Variants in CPQ observed in about 807,000 individuals in gnomAD.
The protein encoded by CPQ is Ser-Met dipeptidase.
A neutral mutation model predicts 45.7 loss-of-function variants in CPQ; 37 were observed. That is an observed-to-expected ratio of 0.81 (90% CI 0.62 to 1.07). The LOEUF (loss-of-function observed/expected upper bound fraction) is 1.07. CPQ is among the 50% of genes least tolerant of loss of function. The pLI is 0.00. For synonymous variants in CPQ, 186 were observed against 205.8 expected, an observed-to-expected ratio of 0.90 and a Z score of 0.82; for missense variants, 537 against 572.9, an observed-to-expected ratio of 0.94 and a Z score of 0.64.
rs1812198547 is a variant in CPQ, at chr8:96,879,924, A to G, written c.768A>G (p.Leu256=). 6.2e-7 allele frequency: 1 copy of G among 1,613,966 alleles called. No homozygotes were observed. The highest frequency in any genetic ancestry group is 8.5e-7 in the Non-Finnish European group (1 of 1,179,976). The change falls in exon 4 of 8, where the codon CTA becomes CTG. Residue 256 remains leucine (L), a synonymous_variant. Transcript: ENST00000220763. ...ATGGGATCAAAATTGTCATTCAGCT[A>G]AAGATGGGGGCAAAGACCTACCCAG... The part of the protein sequence containing the change: ...ASHGIKIVIQ[L]KMGAKTYPDT...
chr8:96,939,804 A>G (rs1255193685), intron 4 of CPQ, among the ~76,000 whole-genome samples: 2 of 152,188 alleles, frequency 1.3e-5, no homozygotes, highest in South Asian at 2.1e-4. Context: ...TGGCACATAC[A>G]TACAAGAGTT....
intron 5 of CPQ, 120 bp downstream of exon 5, chr8:96,966,166 G>A: frequency 1.5e-6 from 1 of 647,414 alleles, no homozygotes; most frequent in Non-Finnish European, 2.5e-6. Flanking sequence ...CTTGAGGTCA[G>A]TTGATTCCCA....
intron 2 of CPQ, among the ~76,000 whole-genome samples, chr8:96,794,997 T>C (rs1357265141): frequency 6.6e-6 from 1 of 152,182 alleles, no homozygotes; most frequent in Non-Finnish European, 1.5e-5. Flanking sequence ...TTCCCACATT[T>C]TCCTGTCTTC....
At chr8:96,832,866 A>G (rs1811478037) in intron 2 of CPQ, among the ~76,000 whole-genome samples, 2 of 152,120 alleles carry the variant, frequency 1.3e-5, no homozygotes, top group South Asian at 4.1e-4. Flanking sequence ...CCTGGGGCAG[A>G]TCTGACTCTT....
intron 1 of CPQ, among the ~76,000 whole-genome samples, chr8:96,710,609 ATCATTCAGGAGC>A (rs1809594273): frequency 6.6e-6 from 1 of 152,174 alleles, no homozygotes; most frequent in Non-Finnish European, 1.5e-5. Flanking sequence ...TACCGCAAAA[ATCATTCAGGAGC>A]TGATTGCTTA....
At chr8:96,875,490 T>A (rs1812133827) in intron 3 of CPQ, among the ~76,000 whole-genome samples, 1 of 151,966 alleles carries the variant, frequency 6.6e-6, no homozygotes, top group South Asian at 2.1e-4. Context: ...GATTTAAGAA[T>A]GTAACTTTAT....
Position 96,673,648 on chromosome 8 carries a change from G to A in CPQ, c.-35+28246G>A, listed in dbSNP as rs911253607. Among the ~76,000 whole-genome samples the A allele has an allele frequency of 3.3e-5, 5 of 152,104 alleles. No individual in the cohort carries two copies. In the East Asian group the frequency reaches 7.7e-4, roughly 23 times the overall value. ...TTGGCCTTAGGGTCCCTGCCTCCTGGCGCTATTCTCCTGCCTCAGTAGAGA... is the reference window on the plus strand; with the variant it reads ...TTGGCCTTAGGGTCCCTGCCTCCTGACGCTATTCTCCTGCCTCAGTAGAGA... On this transcript the variant is annotated intron_variant, in intron 1 of 7. Transcript: ENST00000220763.
intron 1 of CPQ, among the ~76,000 whole-genome samples, chr8:96,769,795 C>T (rs968967230): frequency 2.0e-5 from 3 of 151,900 alleles, no homozygotes; most frequent in Non-Finnish European, 2.9e-5. Flanking sequence ...CCATGCCTGC[C>T]TAATTTTTGC....
At chr8:96,949,878 T>C (rs902255245) in intron 4 of CPQ, among the ~76,000 whole-genome samples, 4 of 152,134 alleles carry the variant, frequency 2.6e-5, no homozygotes, top group Non-Finnish European at 5.9e-5. Flanking sequence ...GTGATTCTAA[T>C]GCGTTTCTAG....
At chr8:97,068,864 A>G (rs1810687427) in intron 7 of CPQ, among the ~76,000 whole-genome samples, 1 of 152,194 alleles carries the variant, frequency 6.6e-6, no homozygotes, top group African/African-American at 2.4e-5. Flanking sequence ...CCCTGAGAAC[A>G]GGCCATTTTG....
intron 7 of CPQ, among the ~76,000 whole-genome samples, chr8:97,091,854 A>AGATG (rs35037040): frequency 0.34 from 51,347 of 150,588 alleles, 10,561 homozygotes; most frequent in East Asian, 0.48. Flanking sequence ...ATGGATGGAT[A>AGATG]GATGGATGGA....
intron 2 of CPQ, among the ~76,000 whole-genome samples, chr8:96,833,847 T>A (rs1200740895): frequency 6.6e-6 from 1 of 152,206 alleles, no homozygotes; most frequent in Non-Finnish European, 1.5e-5. Flanking sequence ...AGGCCTATAT[T>A]GAAAGCAAAA....
chr8:97,106,367 A>G (rs1442043547), intron 7 of CPQ, among the ~76,000 whole-genome samples: 1 of 152,192 alleles, frequency 6.6e-6, no homozygotes, highest in Non-Finnish European at 1.5e-5. Context: ...AAGTTCTTAG[A>G]AAAGTTGACC....
At chr8:96,963,231 C>T (rs1283393064) in intron 4 of CPQ, among the ~76,000 whole-genome samples, 1 of 152,106 alleles carries the variant, frequency 6.6e-6, no homozygotes, top group East Asian at 1.9e-4. Context: ...ACTTTTAATC[C>T]ACTGGAACGT....
Position 96,842,570 on chromosome 8 carries a change from C to T in CPQ, c.641+7390C>T, listed in dbSNP as rs368709736. Among the ~76,000 whole-genome samples the T allele has an allele frequency of 5.3e-5, 8 of 152,294 alleles. No individual in the cohort carries two copies. The East Asian group carries it at 1.2e-3, about 22-fold the overall frequency. ...CAGAGAAGACCCACAACAAACACTG[C>T]GTTTTTTCTTCTCATCATCCTTTCT... On this transcript the variant is annotated intron_variant, in intron 3 of 7. Transcript: ENST00000220763.
At chr8:97,044,927 G>C (rs1586512085) in intron 6 of CPQ, among the ~76,000 whole-genome samples, 1 of 152,170 alleles carries the variant, frequency 6.6e-6, no homozygotes, top group African/African-American at 2.4e-5. Flanking sequence ...GCTGCTGGGG[G>C]GTCAGGGGTC....
intron 6 of CPQ, among the ~76,000 whole-genome samples, chr8:97,055,054 C>G (rs1318089196): frequency 6.6e-6 from 1 of 151,486 alleles, no homozygotes; most frequent in Non-Finnish European, 1.5e-5. Flanking sequence ...CCCTGTCCCC[C>G]TGTCCAATGG....
At chr8:97,051,343 A>G (rs4385441) in intron 6 of CPQ, among the ~76,000 whole-genome samples, 2,895 of 152,320 alleles carry the variant, frequency 0.019, 96 homozygotes, top group African/African-American at 0.066. Flanking sequence ...TAAATTTGCA[A>G]TATAGTTATA....
intron 7 of CPQ, among the ~76,000 whole-genome samples, chr8:97,103,156 A>G (rs1811343717): frequency 6.6e-6 from 1 of 152,134 alleles, no homozygotes; most frequent in Non-Finnish European, 1.5e-5. Context: ...CCATCTTAAA[A>G]TCCTTAATTT....
Sources: allele counts gnomAD v4.1 joint callset (sites outside exome capture counted in the v4.1 genomes callset), GRCh38; gene constraint gnomAD v4.1.1; transcripts MANE v1.5; gene names NCBI Gene and HGNC (gene_info 2026-07-23, HGNC 2026-07-21).